SLC35C1: variants seen among roughly 807,000 people sequenced by gnomAD.
The protein encoded by SLC35C1 is solute carrier family 35 member C1.
A neutral mutation model predicts 23.2 loss-of-function variants in SLC35C1; 8 were observed. That is an observed-to-expected ratio of 0.35 (90% CI 0.20 to 0.62). SLC35C1 has a LOEUF of 0.62. Among genes scored for constraint, SLC35C1 ranks in the 20% least tolerant of loss-of-function variants. The pLI is 0.75. For synonymous variants in SLC35C1, 226 were observed against 225.1 expected, an observed-to-expected ratio of 1.00 and a Z score of -0.04; for missense variants, 422 against 478.6, an observed-to-expected ratio of 0.88 and a Z score of 1.10.
Position 45,812,913 on chromosome 11 carries a change from C to T in SLC35C1, c.*1578C>T. ...AAAAGCTAGGGAGAGCGGGTCTTCT[C>T]CCCCCTCCCTCTCCAGTCCCCTCAC... On this transcript the variant is annotated 3_prime_UTR_variant, in exon 2 of 2. Coordinates refer to ENST00000314134, the MANE Select transcript of SLC35C1 (RefSeq NM_018389.5). 1 of 305,610 alleles carries T rather than the reference C, an allele frequency of 3.3e-6. No homozygotes were observed. The highest frequency in any genetic ancestry group is 6.6e-6 in the Non-Finnish European group (1 of 151,138). 18.9% of individuals were successfully genotyped at this position (305,610 alleles called of 1,614,324 possible). A position where few individuals can be genotyped will look rare whatever the true frequency, so the allele number is the denominator to read the frequency against.
chr11:45,810,579 C>T (rs574078426), intron 1 of SLC35C1, 197 bp from the exon 2 acceptor site: 6 of 985,406 alleles, frequency 6.1e-6, no homozygotes, highest in East Asian at 1.1e-4. Context: ...TTGCCCTGGG[C>T]GGCTCCCATA....
At position 45,810,805 on chromosome 11, in the gene SLC35C1, G is replaced by C. The variant is rs377408925; in HGVS notation, c.565G>C (p.Gly189Arg). 1 of 1,612,876 alleles carries C rather than the reference G, an allele frequency of 6.2e-7. No individual in the cohort carries two copies. The highest frequency in any genetic ancestry group is 8.5e-7 in the Non-Finnish European group (1 of 1,179,932). The change falls in exon 2 of 2, where the codon GGG (glycine) becomes CGG (arginine). Residue 189 changes from glycine (G) to arginine (R), a missense_variant. Gly to Arg is a moderately radical substitution (Grantham distance 125). Transcript: ENST00000314134. The stretch of plus-strand genomic sequence containing the variant: ...CTTCTGGCTTGGTGTGGACCAGGAG[G>C]GGGCAGAAGGCACCCTGTCGTGGCT... ...GGFWLGVDQE[G>R]AEGTLSWLGT...
At chr11:45,810,111 C>A in intron 1 of SLC35C1, 1 of 985,408 alleles carries the variant, frequency 1.0e-6, no homozygotes, top group Non-Finnish European at 1.2e-6. Flanking sequence ...AGAGGAAGGG[C>A]CTGCACCCCC....
rs1565040411 is a variant in SLC35C1 at position 45,805,755 on chromosome 11, A to G, written c.-47A>G. Reference sequence around the variant, plus strand: ...AAGTGAGCTCACTGCCCTGGACTCCAGGGAATCAGAGTTCTGGCCGCGGGG... The same window carrying G: ...AAGTGAGCTCACTGCCCTGGACTCCGGGGAATCAGAGTTCTGGCCGCGGGG... On this transcript the variant is annotated 5_prime_UTR_variant, in exon 1 of 2. Coordinates refer to ENST00000314134, the MANE Select transcript of SLC35C1 (RefSeq NM_018389.5). 2 of 1,606,558 alleles carry G rather than the reference A, an allele frequency of 1.2e-6. No homozygotes were observed. Among genetic ancestry groups the G allele is most frequent in the Non-Finnish European group, 1.7e-6 (2 of 1,179,856 alleles).
In SLC35C1 at chr11:45,805,863, A is replaced by T. The variant is rs1255821366; in HGVS notation, c.62A>T (p.Asp21Val). 6.2e-7 allele frequency: 1 copy of T among 1,613,860 alleles called. No homozygotes were observed. Among genetic ancestry groups the T allele is most frequent in the Admixed American group, 1.7e-5 (1 of 59,990 alleles). The change falls in exon 1 of 2, where the codon GAC (aspartate) becomes GTC (valine). Residue 21 changes from aspartate to valine, a missense_variant. Physicochemically the swap from Asp to Val is radical, Grantham distance 152. Coordinates refer to ENST00000314134, the MANE Select transcript of SLC35C1 (RefSeq NM_018389.5). ...ILHMALTGASDPSAEAEANGE... is the reference protein window; with the variant it reads ...ILHMALTGASVPSAEAEANGE... ...CACATGGCGCTGACCGGGGCCTCAG[A>T]CCCCTCTGCAGAGGCAGAGGCCAAC...
Position 45,805,335 on chromosome 11 carries a change from G to GGGGCCCCCCCC in SLC35C1, c.-467_-466insGGGCCCCCCCC. 1 of 566,218 alleles carries GGGGCCCCCCCC rather than the reference G, an allele frequency of 1.8e-6. No individual in the cohort carries two copies. Among genetic ancestry groups the GGGGCCCCCCCC allele is most frequent in the Non-Finnish European group, 2.1e-6 (1 of 483,470 alleles). 35.1% of individuals were successfully genotyped at this position (566,218 alleles called of 1,614,324 possible). A position where few individuals can be genotyped will look rare whatever the true frequency, so the allele number is the denominator to read the frequency against. On this transcript the variant is annotated 5_prime_UTR_variant, in exon 1 of 2. Transcript: ENST00000314134. The stretch of plus-strand genomic sequence containing the variant: ...GCTCCCTGTACGCCTCCCTCCCCCT[G>GGGGCCCCCCCC]CCCGCCCCTCCCTCCCACAGCCGCC...
intron 1 of SLC35C1, chr11:45,810,004 G>A: frequency 6.1e-6 from 6 of 984,266 alleles, no homozygotes; most frequent in Non-Finnish European, 7.2e-6. Context: ...CCCCCAGAAA[G>A]GAGGAGGGTG....
In SLC35C1 at chr11:45,812,531, G is replaced by A. The variant is rs1227900415; in HGVS notation, c.*1196G>A. 10 of 455,920 alleles carry A rather than the reference G, an allele frequency of 2.2e-5. No individual in the cohort carries two copies. The highest frequency in any genetic ancestry group is 4.0e-5 in the Non-Finnish European group (9 of 226,776). The allele number at this position is 455,920 out of a possible 1,614,324, so 28.2% of individuals were successfully genotyped here. The stretch of plus-strand genomic sequence containing the variant: ...GGCCAGCAGATTCGGACTCCGCTGA[G>A]GGCTGTTTCCCGATCCATAGATGGT... On this transcript the variant is annotated 3_prime_UTR_variant, in exon 2 of 2. Coordinates refer to ENST00000314134, the MANE Select transcript of SLC35C1 (RefSeq NM_018389.5).
Position 45,806,220 on chromosome 11 carries a change from T to C in SLC35C1, c.419T>C (p.Val140Ala). 1 of 1,606,722 alleles carries C rather than the reference T, an allele frequency of 6.2e-7. No individual in the cohort carries two copies. The highest frequency in any genetic ancestry group is 8.5e-7 in the Non-Finnish European group (1 of 1,180,006). Residue 140 changes from valine (V) to alanine (A), a missense_variant, in exon 1 of 2, where the codon GTG (valine) becomes GCG (alanine). By Grantham distance (64) the Val-to-Ala change is moderately conservative. Transcript: ENST00000314134. ...AACCTCTGCCTCAAGTACGTCGGTG[T>C]GGCCTTCTACAATGTGGGCCGCTCA... ...FNNLCLKYVG[V>A]AFYNVGRSLT...
At chr11:45,806,890 C>T (rs2085884055) in intron 1 of SLC35C1, 8 of 985,128 alleles carry the variant, frequency 8.1e-6, no homozygotes, top group Non-Finnish European at 9.6e-6. Context: ...AATAAATATA[C>T]CATCACTCTC....
rs2085863380 is a variant in SLC35C1, at chr11:45,805,727, C to G, written c.-75C>G. 1.3e-6 allele frequency: 2 copies of G among 1,599,732 alleles called. No individual in the cohort carries two copies. The highest frequency in any genetic ancestry group is 1.3e-5 in the African/African-American group (1 of 74,984). Reference sequence around the variant, plus strand: ...AGGGCTGCGGCTTCCTTGCGGAGAGCACAAGTGAGCTCACTGCCCTGGACT... The same window carrying G: ...AGGGCTGCGGCTTCCTTGCGGAGAGGACAAGTGAGCTCACTGCCCTGGACT... On this transcript the variant is annotated 5_prime_UTR_variant, in exon 1 of 2. Transcript: ENST00000314134.
At chr11:45,810,105 G>C (rs2085922151) in intron 1 of SLC35C1, 1 of 985,296 alleles carries the variant, frequency 1.0e-6, no homozygotes, top group Non-Finnish European at 1.2e-6. Flanking sequence ...TAGGACAGAG[G>C]AAGGGCCTGC....
chr11:45,809,934 G>A, intron 1 of SLC35C1: 3 of 985,310 alleles, frequency 3.0e-6, no homozygotes, highest in Non-Finnish European at 3.6e-6. Flanking sequence ...CAGGTTCTGG[G>A]ATTATCAGGA....
At chr11:45,804,817 T>C, upstream of SLC35C1, 1 of 985,656 alleles carries the variant, frequency 1.0e-6, no homozygotes, top group South Asian at 4.7e-5. Flanking sequence ...GCCCGGGTCC[T>C]GGGTCGGGGT....
At chr11:45,809,762 G>T (rs749527780) in intron 1 of SLC35C1, 20 of 985,296 alleles carry the variant, frequency 2.0e-5, no homozygotes, top group Non-Finnish European at 2.4e-5. Context: ...CCACTGCCCC[G>T]TGTTGCCAGA....
At chr11:45,810,066 G>A (rs1267710266) in intron 1 of SLC35C1, 2 of 985,298 alleles carry the variant, frequency 2.0e-6, no homozygotes, top group African/African-American at 1.7e-5. Context: ...TGAGAAGCAG[G>A]GAGACGAGCA....
chr11:45,811,132 G>T lies in SLC35C1; in HGVS notation c.892G>T (p.Val298Leu). Residue 298 changes from valine to leucine, a missense_variant, in exon 2 of 2, where the codon GTG becomes TTG. Transcript: ENST00000314134. ...GTTCACCAGTCCGCTGACCCACAAT[G>T]TGTCGGGCACGGCCAAGGCCTGTGC... ...IKFTSPLTHN[V>L]SGTAKACAQT... is the part of the protein sequence containing the mutation. 2 of 1,612,280 alleles carry T rather than the reference G, an allele frequency of 1.2e-6. No individual in the cohort carries two copies. The highest frequency in any genetic ancestry group is 1.7e-5 in the Admixed American group (1 of 60,034).
intron 1 of SLC35C1, chr11:45,809,873 G>A (rs2134595938): frequency 2.0e-6 from 2 of 985,464 alleles, no homozygotes; most frequent in South Asian, 9.4e-5. Flanking sequence ...CAGGGGCCCA[G>A]CAGCCCAGAG....
At position 45,811,214 on chromosome 11, in the gene SLC35C1, C is replaced by T. The variant is rs753103441; in HGVS notation, c.974C>T (p.Thr325Met). The change falls in exon 2 of 2, where the codon ACG (threonine) becomes ATG (methionine). Residue 325 changes from threonine (T) to methionine (M), a missense_variant. Thr to Met is a moderately conservative substitution (Grantham distance 81, BLOSUM62 -1). Transcript: ENST00000314134. Reference protein sequence around the residue: ...YEETKSFLWWTSNMMVLGGSS... With the variant: ...YEETKSFLWWMSNMMVLGGSS... Reference sequence around the variant, plus strand: ...GAGACCAAGAGCTTCCTCTGGTGGACGAGCAACATGATGGTGCTGGGCGGC... The same window carrying T: ...GAGACCAAGAGCTTCCTCTGGTGGATGAGCAACATGATGGTGCTGGGCGGC... 66 of 1,609,280 alleles carry T rather than the reference C, an allele frequency of 4.1e-5. No individual in the cohort carries two copies. Among genetic ancestry groups the T allele is most frequent in the Non-Finnish European group, 5.1e-5 (60 of 1,177,504 alleles).
Sources: allele counts gnomAD v4.1 joint callset, GRCh38; gene constraint gnomAD v4.1.1; transcripts MANE v1.5; gene names NCBI Gene and HGNC (gene_info 2026-07-23, HGNC 2026-07-21).